The following TET3 variants were observed in gnomAD, a reference collection of about 807,000 sequenced individuals.
TET3 encodes methylcytosine dioxygenase TET3.
TET3 carries 19 observed loss-of-function variants against 141.4 expected under a neutral mutation model. The ratio of observed to expected loss-of-function variants is 0.13; its 90% CI spans 0.09 to 0.20. TET3 has a LOEUF of 0.20. TET3 is among the 10% of genes least tolerant of loss of function. The pLI, the probability that TET3 is intolerant of heterozygous loss-of-function variation, is 1.00. For missense variants in TET3, 1,874 were observed against 2,356.9 expected, an observed-to-expected ratio of 0.80 and a Z score of 4.24; for synonymous variants, 1,043 against 980.9, an observed-to-expected ratio of 1.06 and a Z score of -1.18.
chr2:74,112,742 C>T (rs900455619), downstream of TET3, among the ~76,000 whole-genome samples: 1 of 152,086 alleles, frequency 6.6e-6, no homozygotes, highest in Non-Finnish European at 1.5e-5. Context: ...GTGGCTCACG[C>T]CTATAATTCC....
At chr2:74,036,431 G>C (rs1018816983) in intron 3 of TET3, among the ~76,000 whole-genome samples, 2 of 152,200 alleles carry the variant, frequency 1.3e-5, no homozygotes, top group Admixed American at 1.3e-4. Flanking sequence ...TATTGTTGGG[G>C]CACTCAGGTT....
In TET3 at chr2:74,093,102, C is replaced by A; in HGVS notation, c.3129+111C>A. ...CTCTTTTACTCTCTTATGGGAAGAG[C>A]CTAGTCCAGAAGTAAAGCGATATGA... On this transcript the variant is annotated intron_variant, in intron 9 of 11. Coordinates refer to ENST00000409262, the MANE Select transcript of TET3 (RefSeq NM_001287491.2). This position sits in a 1 kb window ranked among gnomAD's most constrained non-coding sequence, Gnocchi z 4.2. The A allele has an allele frequency of 9.9e-7, 1 of 1,010,620 alleles. No homozygotes were observed. Among genetic ancestry groups the A allele is most frequent in the Non-Finnish European group, 1.5e-6 (1 of 676,678 alleles). The allele number at this position is 1,010,620 out of a possible 1,614,324, so 62.6% of individuals were successfully genotyped here.
intron 2 of TET3, among the ~76,000 whole-genome samples, chr2:73,996,313 C>T (rs1684594063): frequency 6.6e-6 from 1 of 151,948 alleles, no homozygotes; most frequent in South Asian, 2.1e-4. Context: ...GAAAGAGACC[C>T]CTTCATCTTC....
intron 10 of TET3, among the ~76,000 whole-genome samples, chr2:74,096,580 A>C (rs112237426): frequency 4.3e-4 from 65 of 151,780 alleles, no homozygotes; most frequent in African/African-American, 1.5e-3. Flanking sequence ...CAGCCTGGTC[A>C]ACATAGTGAA....
the TET3 span, chr2:74,130,525 G>A: frequency 2.6e-5 from 4 of 152,288 alleles, no homozygotes; most frequent in South Asian, 2.1e-4. Context: ...GAGCTCACAA[G>A]CCACTGCTGG....
chr2:74,006,901 AG>A (rs1229597262), intron 3 of TET3, among the ~76,000 whole-genome samples: 1 of 152,214 alleles, frequency 6.6e-6, no homozygotes, highest in Non-Finnish European at 1.5e-5. Flanking sequence ...GGCAAATAGA[AG>A]GCAGGGAAAA....
intron 5 of TET3, among the ~76,000 whole-genome samples, chr2:74,079,485 CTG>C (rs1411809852): frequency 6.6e-6 from 1 of 152,128 alleles, no homozygotes; most frequent in African/African-American, 2.4e-5. Context: ...AACTAAAAAA[CTG>C]TTAAAAATAA....
At chr2:74,094,552 G>T (rs1573908360) in intron 10 of TET3, among the ~76,000 whole-genome samples, 1 of 152,182 alleles carries the variant, frequency 6.6e-6, no homozygotes, top group Admixed American at 6.5e-5. Context: ...AGAATGAGGT[G>T]TGTGATGGTG....
intron 4 of TET3, among the ~76,000 whole-genome samples, chr2:74,062,989 T>C: frequency 6.7e-6 from 1 of 148,406 alleles, no homozygotes; most frequent in East Asian, 2.0e-4. Context: ...GTTCAAGCCA[T>C]ACTCCTGCCT....
intron 7 of TET3, 133 bp from the exon 8 acceptor site, chr2:74,089,764 G>A: frequency 1.6e-6 from 2 of 1,214,028 alleles, no homozygotes; most frequent in Non-Finnish European, 2.3e-6. Flanking sequence ...TTGGGGGTGG[G>A]GAAGGATGAG....
Position 74,087,329 on chromosome 2 carries a change from T to A in TET3, c.2680-501T>A, listed in dbSNP as rs1653953194. 6.6e-6 allele frequency among the ~76,000 whole-genome samples: 1 copy of A among 152,198 alleles called. No individual in the cohort carries two copies. ...CCTGCTCTCAGTCCCTCGAGTGTAT[T>A]CCTAGGCATGGAATTGCTGGATCAT... On this transcript the variant is annotated intron_variant, in intron 6 of 11. Transcript: ENST00000409262. The surrounding 1 kb of genome is among the most constrained non-coding windows in gnomAD (Gnocchi z 4.3).
chr2:74,051,714 A>G (rs557276361), intron 4 of TET3, among the ~76,000 whole-genome samples: 3 of 152,350 alleles, frequency 2.0e-5, no homozygotes, highest in East Asian at 1.9e-4. Flanking sequence ...TAGCAGCTCT[A>G]TGAGGTAAAT....
downstream of TET3, among the ~76,000 whole-genome samples, chr2:74,111,168 T>G (rs1691695508): frequency 6.6e-6 from 1 of 152,206 alleles, no homozygotes; most frequent in Non-Finnish European, 1.5e-5. Flanking sequence ...AGCCCCTTTG[T>G]GACCTCTTGT....
In TET3 at chr2:74,101,013, C is replaced by T. The variant is rs1345653221; in HGVS notation, c.4225C>T (p.Pro1409Ser). ...EPVDPLTQAE[P>S]VPRDAGKMGK... ...AGTAGACCCGCTGACCCAGGCTGAG[C>T]CTGTGCCCAGAGACGCTGGCAAGAT... is the stretch of plus-strand genomic sequence containing the variant. Residue 1409 changes from proline (P) to serine (S), a missense_variant, in exon 12 of 12, where the codon CCT (proline) becomes TCT (serine). Transcript: ENST00000409262. The surrounding 1 kb of genome is among the most constrained non-coding windows in gnomAD (Gnocchi z 8.5). 1 of 1,613,032 alleles carries T rather than the reference C, an allele frequency of 6.2e-7. No individual in the cohort carries two copies. Among genetic ancestry groups the T allele is most frequent in the Admixed American group, 1.7e-5 (1 of 59,848 alleles).
intron 3 of TET3, among the ~76,000 whole-genome samples, chr2:74,044,329 C>T (rs1687500143): frequency 6.6e-6 from 1 of 152,080 alleles, no homozygotes; most frequent in Admixed American, 6.5e-5. Flanking sequence ...TTCACATACC[C>T]CAAATGTGTA....
In TET3 at chr2:74,101,338, A is replaced by C. The variant is rs773828950; in HGVS notation, c.4550A>C (p.Lys1517Thr). The stretch of plus-strand genomic sequence containing the variant: ...CGAGGCAAACCGTGGAGCCCCTGCA[A>C]GTTTGGGAACAGCACCTCGGCCTTG... ...RLRGKPWSPC[K>T]FGNSTSALAG... is the part of the protein sequence containing the mutation. The change falls in exon 12 of 12, where the codon AAG becomes ACG. Residue 1517 changes from lysine to threonine, a missense_variant. Physicochemically the swap from Lys to Thr is moderately conservative, Grantham distance 78. Coordinates refer to ENST00000409262, the MANE Select transcript of TET3 (RefSeq NM_001287491.2). The surrounding 1 kb of genome is among the most constrained non-coding windows in gnomAD (Gnocchi z 8.5). 1.2e-6 allele frequency: 2 copies of C among 1,613,796 alleles called. No homozygotes were observed. Among genetic ancestry groups the C allele is most frequent in the Non-Finnish European group, 1.7e-6 (2 of 1,179,816 alleles).
At chr2:74,056,853 A>G (rs1688248320) in intron 4 of TET3, among the ~76,000 whole-genome samples, 2 of 152,222 alleles carry the variant, frequency 1.3e-5, no homozygotes, top group African/African-American at 4.8e-5. Flanking sequence ...CTTTGAGATC[A>G]AATTGAATTA....
chr2:74,083,835 T>G (rs1689965475), intron 6 of TET3, among the ~76,000 whole-genome samples: 1 of 152,190 alleles, frequency 6.6e-6, no homozygotes, highest in Non-Finnish European at 1.5e-5. Context: ...GTTGGGTGAC[T>G]TGTGTGCTCT....
intron 4 of TET3, among the ~76,000 whole-genome samples, chr2:74,058,569 A>C (rs1688333104): frequency 6.6e-6 from 1 of 152,182 alleles, no homozygotes; most frequent in Non-Finnish European, 1.5e-5. Context: ...TTTGTAGACA[A>C]ATTTTTTTTA....
Sources: gnomAD v4.1 joint callset for allele counts (sites outside exome capture counted in the v4.1 genomes callset) on GRCh38, gnomAD v4.1.1 for gene constraint, Gnocchi (gnomAD v3.1) non-coding constraint, MANE v1.5 for transcripts, NCBI Gene and HGNC (gene_info 2026-07-23, HGNC 2026-07-21) for gene names.